KIF6: variants seen among roughly 807,000 people sequenced by gnomAD.
KIF6 encodes kinesin family member 6, also known as kinesin-like protein KIF6.
Under a neutral mutation model 112.7 loss-of-function variants are expected in KIF6, and 106 were observed. The ratio of observed to expected loss-of-function variants is 0.94; its 90% CI spans 0.80 to 1.11. KIF6 has a LOEUF of 1.11. KIF6 is among the 50% of genes least tolerant of loss of function. The pLI is 0.00. For missense variants in KIF6, 929 were observed against 964.0 expected (o/e 0.96, Z 0.48); for synonymous variants, 339 against 339.9 (o/e 1.00, Z 0.03).
At position 39,582,043 on chromosome 6, in the gene KIF6, T is replaced by C. The variant is rs76612567; in HGVS notation, c.1077+2855A>G. On this transcript the variant is annotated intron_variant, in intron 9 of 22. Coordinates refer to ENST00000287152, the MANE Select transcript of KIF6 (RefSeq NM_145027.6). Reference sequence around the variant, plus strand: ...GTTTTGTTTGCTTCTTTTTTAAAAATATTCTTAGGATCATCAATCTATACA... The same window carrying C: ...GTTTTGTTTGCTTCTTTTTTAAAAACATTCTTAGGATCATCAATCTATACA... Among the ~76,000 whole-genome samples the C allele has an allele frequency of 0.014, 2,091 of 152,244 alleles. 254 individuals are homozygous for C. The East Asian group carries it at 0.29, about 21-fold the overall frequency.
chr6:39,406,081 G>T (rs1769070091), intron 15 of KIF6, among the ~76,000 whole-genome samples: 2 of 152,058 alleles, frequency 1.3e-5, no homozygotes, highest in Non-Finnish European at 2.9e-5. Flanking sequence ...GGAGTGCAGT[G>T]GTGCGATTTC....
rs558595692 is a variant in KIF6 at position 39,453,351 on chromosome 6, C to A, written c.1646-22190G>T. Among the ~76,000 whole-genome samples the A allele has an allele frequency of 3.9e-5, 6 of 152,126 alleles. No homozygotes were observed. The East Asian group carries it at 1.2e-3, about 29-fold the overall frequency. ...GGGTGGACTGAAAGGCAATGTCGTC[C>A]GAGTTTGTGTTTTCTGGAATGGTTT... On this transcript the variant is annotated intron_variant, in intron 13 of 22. Transcript: ENST00000287152.
intron 16 of KIF6, among the ~76,000 whole-genome samples, chr6:39,366,169 C>T (rs565308924): frequency 1.8e-4 from 27 of 152,308 alleles, no homozygotes; most frequent in African/African-American, 5.8e-4. Context: ...ATAACATCAA[C>T]GCCATCTGGG....
chr6:39,458,638 A>C (rs917607790), intron 13 of KIF6, among the ~76,000 whole-genome samples: 43 of 139,936 alleles, frequency 3.1e-4, no homozygotes, highest in Non-Finnish European at 5.6e-4. Flanking sequence ...GTCTCAGCCC[A>C]AAATCTCCTT....
chr6:39,617,594 ATCATGGGT>A (rs1486229313), intron 5 of KIF6: 10 of 391,158 alleles, frequency 2.6e-5, no homozygotes, highest in South Asian at 1.3e-4. Flanking sequence ...TGCTATTCAC[ATCATGGGT>A]TTGTATAGTT....
chr6:39,506,404 A>G (rs9357307), intron 13 of KIF6, among the ~76,000 whole-genome samples: 30,181 of 152,046 alleles, frequency 0.2, 3,314 homozygotes, highest in African/African-American at 0.3. Context: ...AATTGCTAAT[A>G]CATGCAGGGC....
intron 13 of KIF6, among the ~76,000 whole-genome samples, chr6:39,526,917 C>T (rs952143130): frequency 1.3e-5 from 2 of 152,174 alleles, no homozygotes; most frequent in East Asian, 3.8e-4. Flanking sequence ...GGCATTCATG[C>T]TTAAGGCCTG....
chr6:39,438,588 T>G (rs1326848613), intron 13 of KIF6, among the ~76,000 whole-genome samples: 1 of 152,122 alleles, frequency 6.6e-6, no homozygotes, highest in Non-Finnish European at 1.5e-5. Flanking sequence ...AAAAAAATAT[T>G]TTTGTACAGC....
At chr6:39,669,913 T>C (rs567841602) in intron 3 of KIF6, among the ~76,000 whole-genome samples, 109 of 152,368 alleles carry the variant, frequency 7.2e-4, no homozygotes, top group African/African-American at 2.5e-3. Context: ...CTTGCTTCTC[T>C]TTCTTTAAAA....
intron 13 of KIF6, 56 bp downstream of exon 13, chr6:39,539,947 G>T: frequency 7.8e-7 from 1 of 1,289,258 alleles, no homozygotes; most frequent in Non-Finnish European, 1.1e-6. Context: ...ACTAAAGGGT[G>T]CTACATCGAA....
At chr6:39,664,238 A>G (rs1786324694) in intron 3 of KIF6, among the ~76,000 whole-genome samples, 1 of 152,124 alleles carries the variant, frequency 6.6e-6, no homozygotes, top group African/African-American at 2.4e-5. Flanking sequence ...AGCGATCCCA[A>G]AGAAGAAATA....
At chr6:39,483,704 G>A (rs893161062) in intron 13 of KIF6, among the ~76,000 whole-genome samples, 3 of 152,140 alleles carry the variant, frequency 2.0e-5, no homozygotes, top group African/African-American at 7.2e-5. Flanking sequence ...CTTTATCCGA[G>A]ATTCAAAGGA....
At chr6:39,387,115 C>G (rs1377044185) in intron 15 of KIF6, among the ~76,000 whole-genome samples, 2 of 152,030 alleles carry the variant, frequency 1.3e-5, no homozygotes, top group African/African-American at 4.8e-5. Flanking sequence ...TTTAGGAATC[C>G]CTTCTACAGA....
intron 4 of KIF6, among the ~76,000 whole-genome samples, chr6:39,638,789 T>C (rs999460986): frequency 6.6e-6 from 1 of 152,222 alleles, no homozygotes; most frequent in African/African-American, 2.4e-5. Flanking sequence ...GATTCTCTAA[T>C]ACAATTCAAT....
At chr6:39,501,211 T>G (rs2150492280) in intron 13 of KIF6, among the ~76,000 whole-genome samples, 1 of 152,220 alleles carries the variant, frequency 6.6e-6, no homozygotes, top group Admixed American at 6.5e-5. Flanking sequence ...AACCAGGGTC[T>G]AGAGCAGACT....
chr6:39,596,863 T>TA (rs1782299369), intron 6 of KIF6, among the ~76,000 whole-genome samples: 1 of 152,088 alleles, frequency 6.6e-6, no homozygotes, highest in Admixed American at 6.6e-5. Context: ...GCTTAAGAAC[T>TA]AAAAAGTTTA....
At chr6:39,510,613 G>A (rs189781910) in intron 13 of KIF6, among the ~76,000 whole-genome samples, 2 of 152,180 alleles carry the variant, frequency 1.3e-5, no homozygotes, top group African/African-American at 4.8e-5. Context: ...AAAGATCATC[G>A]ACGCTATGAA....
At chr6:39,622,057 C>T (rs1783850909) in intron 5 of KIF6, among the ~76,000 whole-genome samples, 1 of 151,806 alleles carries the variant, frequency 6.6e-6, no homozygotes, top group East Asian at 1.9e-4. Flanking sequence ...ATCCCAGCTA[C>T]TCAGGAGGCT....
At chr6:39,435,603 C>CACTT (rs1771468345) in intron 13 of KIF6, among the ~76,000 whole-genome samples, 1 of 151,912 alleles carries the variant, frequency 6.6e-6, no homozygotes, top group Non-Finnish European at 1.5e-5. Flanking sequence ...GCTTAGCTCC[C>CACTT]ACTTATAAGT....
Sources: gnomAD v4.1 joint callset for allele counts (sites outside exome capture counted in the v4.1 genomes callset) on GRCh38, gnomAD v4.1.1 for gene constraint, MANE v1.5 for transcripts, NCBI Gene and HGNC (gene_info 2026-07-23, HGNC 2026-07-21) for gene names.